The following UQCC2 variants were observed in gnomAD, a reference collection of about 807,000 sequenced individuals.
UQCC2 encodes the protein breast cancer-associated protein SGA-81M.
UQCC2 carries 21 observed loss-of-function variants against 19.9 expected under a neutral mutation model. The observed-to-expected ratio is 1.05, with a 90% CI of 0.75 to 1.52. The LOEUF is 1.52. Among genes scored for constraint, UQCC2 ranks in the 40% most tolerant of loss-of-function variants. The pLI is 0.00. For synonymous variants in UQCC2, 57 were observed against 60.9 expected, an observed-to-expected ratio of 0.94 and a Z score of 0.30; for missense variants, 135 against 157.5, an observed-to-expected ratio of 0.86 and a Z score of 0.76.
At chr6:33,707,793 TTTA>T (rs1362105804) in intron 1 of UQCC2, among the ~76,000 whole-genome samples, 3 of 152,366 alleles carry the variant, frequency 2.0e-5, no homozygotes, top group African/African-American at 7.2e-5. Flanking sequence ...TTGCAATTCT[TTTA>T]TTAAGCTCTC....
At chr6:33,701,637 C>A (rs922914486) in intron 1 of UQCC2, among the ~76,000 whole-genome samples, 13 of 152,106 alleles carry the variant, frequency 8.5e-5, no homozygotes, top group Non-Finnish European at 4.4e-5. Flanking sequence ...AACTCCCCAA[C>A]CTACAGAAAA....
At chr6:33,699,038 T>G (rs927092345) in intron 3 of UQCC2, among the ~76,000 whole-genome samples, 1 of 152,150 alleles carries the variant, frequency 6.6e-6, no homozygotes, top group African/African-American at 2.4e-5. Context: ...AGTCCATGTT[T>G]CCAGTGTCCA....
intron 1 of UQCC2, among the ~76,000 whole-genome samples, chr6:33,702,484 C>G (rs2127334822): frequency 6.6e-6 from 1 of 152,300 alleles, no homozygotes; most frequent in South Asian, 2.1e-4. Context: ...CAGTTAGGTC[C>G]TGCTAGAAAG....
intron 1 of UQCC2, among the ~76,000 whole-genome samples, chr6:33,701,888 T>C (rs1421793560): frequency 6.8e-6 from 1 of 146,666 alleles, no homozygotes; most frequent in Non-Finnish European, 1.5e-5. Context: ...CAGCAGAAGG[T>C]CAGCAAGCAG....
chr6:33,701,164 T>C (rs1263086901), intron 2 of UQCC2, among the ~76,000 whole-genome samples, 182 bp downstream of exon 2: 1 of 152,260 alleles, frequency 6.6e-6, no homozygotes, highest in African/African-American at 2.4e-5. Context: ...TTTAAATAGC[T>C]TTTATTTAGG....
chr6:33,707,682 C>A (rs1169414399), intron 1 of UQCC2, among the ~76,000 whole-genome samples: 1 of 152,184 alleles, frequency 6.6e-6, no homozygotes, highest in Non-Finnish European at 1.5e-5. Context: ...GTGTGCAGTC[C>A]GGGATCTTTT....
intron 3 of UQCC2, among the ~76,000 whole-genome samples, chr6:33,699,212 T>TA (rs1765609623): frequency 6.6e-6 from 1 of 152,356 alleles, no homozygotes; most frequent in Admixed American, 6.5e-5. Flanking sequence ...AAACATTTGG[T>TA]AAGCTTACGC....
chr6:33,701,254 C>T, intron 2 of UQCC2, 92 bp downstream of exon 2: 1 of 1,389,088 alleles, frequency 7.2e-7, no homozygotes, highest in Non-Finnish European at 9.8e-7. Flanking sequence ...AAAGCCAAGT[C>T]TTTACAAAAC....
At chr6:33,705,722 C>T (rs1194432075) in intron 1 of UQCC2, among the ~76,000 whole-genome samples, 1 of 152,208 alleles carries the variant, frequency 6.6e-6, no homozygotes, top group African/African-American at 2.4e-5. Flanking sequence ...ACACTTTATT[C>T]ACAGACTCCA....
intron 1 of UQCC2, among the ~76,000 whole-genome samples, chr6:33,703,691 T>C (rs951242874): frequency 6.6e-6 from 1 of 152,130 alleles, no homozygotes. Context: ...TACATATCCT[T>C]CTTCTGATCC....
chr6:33,708,071 C>T (rs1765720571), intron 1 of UQCC2, among the ~76,000 whole-genome samples: 1 of 152,230 alleles, frequency 6.6e-6, no homozygotes, highest in African/African-American at 2.4e-5. Context: ...CTTTAGTTAA[C>T]CCAGCTTTTC....
At chr6:33,707,564 T>C (rs1291335890) in intron 1 of UQCC2, among the ~76,000 whole-genome samples, 2 of 152,248 alleles carry the variant, frequency 1.3e-5, no homozygotes, top group African/African-American at 2.4e-5. Context: ...AATATTATTA[T>C]ACTTAAACTT....
chr6:33,700,726 TC>T (rs1202572742), intron 2 of UQCC2, among the ~76,000 whole-genome samples: 1 of 152,204 alleles, frequency 6.6e-6, no homozygotes, highest in Admixed American at 6.5e-5. Flanking sequence ...CCGTGAGTCC[TC>T]CCTGGAAAAC....
chr6:33,697,771 A>C (rs959408927), intron 3 of UQCC2, 21 bp from the exon 4 acceptor site: 4 of 1,596,210 alleles, frequency 2.5e-6, no homozygotes, highest in Non-Finnish European at 3.4e-6. Context: ...GGAAGACAAA[A>C]AGAGAGAGGG....
rs775983068 is a variant in UQCC2, at chr6:33,700,441, T to G, written c.283+3A>C. On this transcript the variant is annotated splice_donor_region_variant and intron_variant, in intron 3 of 3. Transcript: ENST00000607484. ...TGAGAAAAGGCAGCTGTGCTTTCAT[T>G]ACCTGTGGACAGGATCAGCTTGTAC... 22 of 1,613,778 alleles carry G rather than the reference T, an allele frequency of 1.4e-5. No individual in the cohort carries two copies. Among genetic ancestry groups the G allele is most frequent in the Non-Finnish European group, 1.6e-5 (19 of 1,179,806 alleles).
chr6:33,701,559 G>C, intron 1 of UQCC2, 139 bp from the exon 2 acceptor site: 1 of 740,256 alleles, frequency 1.4e-6, no homozygotes, highest in Non-Finnish European at 2.1e-6. Flanking sequence ...TCCACTCTGC[G>C]GGAAGCAAAC....
At position 33,709,295 on chromosome 6, in the gene UQCC2, T is replaced by C. The variant is rs575812114; in HGVS notation, c.138+2254A>G. Among the ~76,000 whole-genome samples the C allele has an allele frequency of 1.8e-4, 27 of 152,306 alleles. 1 individual carries two copies. The South Asian group carries it at 5.6e-3, about 32-fold the overall frequency. ...CCACTCAGGACACACAAATATTCCTTTCTCACTCTTCACAACTTCTCTTCA... is the reference window on the plus strand; with the variant it reads ...CCACTCAGGACACACAAATATTCCTCTCTCACTCTTCACAACTTCTCTTCA... On this transcript the variant is annotated intron_variant, in intron 1 of 3. Coordinates refer to ENST00000607484, the MANE Select transcript of UQCC2 (RefSeq NM_032340.4).
chr6:33,700,820 T>G (rs1765631327), intron 2 of UQCC2, among the ~76,000 whole-genome samples: 1 of 152,246 alleles, frequency 6.6e-6, no homozygotes, highest in Non-Finnish European at 1.5e-5. Flanking sequence ...GATCACATGT[T>G]AGCAGGGAGG....
At chr6:33,700,637 G>A (rs376107173) in intron 2 of UQCC2, 124 bp from the exon 3 acceptor site, 5 of 952,232 alleles carry the variant, frequency 5.3e-6, no homozygotes, top group East Asian at 4.8e-5. Context: ...AAGGAGAAGA[G>A]CAGCGCCACC....
Sources: allele counts gnomAD v4.1 joint callset (sites outside exome capture counted in the v4.1 genomes callset), GRCh38; gene constraint gnomAD v4.1.1; transcripts MANE v1.5; gene names NCBI Gene and HGNC (gene_info 2026-07-23, HGNC 2026-07-21).